Variants in C3orf20 observed in about 807,000 individuals in gnomAD.
C3orf20 encodes family with sequence similarity 149 member C.
In C3orf20, 76 loss-of-function variants were observed where a neutral mutation model predicts 88.3. The observed-to-expected ratio is 0.86, with a 90% CI of 0.72 to 1.04. The LOEUF (loss-of-function observed/expected upper bound fraction) is 1.04. Among genes scored for constraint, C3orf20 ranks in the 50% least tolerant of loss-of-function variants. C3orf20 has a pLI of 0.00. For missense variants in C3orf20, 1,056 were observed against 1,123.3 expected, an observed-to-expected ratio of 0.94 and a Z score of 0.86; for synonymous variants, 436 against 437.4, an observed-to-expected ratio of 1.00 and a Z score of 0.04.
intron 5 of C3orf20, among the ~76,000 whole-genome samples, chr3:14,691,865 G>GT (rs796987014): frequency 2.8e-4 from 42 of 151,794 alleles, no homozygotes; most frequent in Admixed American, 9.8e-4. Context: ...CATTCTTACT[G>GT]TTTTTTTTGT....
chr3:14,702,341 A>C (rs927566449), intron 5 of C3orf20, among the ~76,000 whole-genome samples: 1 of 152,084 alleles, frequency 6.6e-6, no homozygotes, highest in Non-Finnish European at 1.5e-5. Flanking sequence ...AACAAATGGG[A>C]ATTCTGGGAG....
At chr3:14,703,058 G>T (rs1575107447) in intron 5 of C3orf20, 72 bp from the exon 6 acceptor site, 1 of 1,561,964 alleles carries the variant, frequency 6.4e-7, no homozygotes, top group East Asian at 2.3e-5. Context: ...CTCACATCCA[G>T]GTGACACTGA....
At chr3:14,730,694 T>C (rs1317415011) in intron 12 of C3orf20, among the ~76,000 whole-genome samples, 1 of 152,190 alleles carries the variant, frequency 6.6e-6, no homozygotes, top group African/African-American at 2.4e-5. Context: ...TCATTGAGTA[T>C]GTGTATGTTC....
intron 12 of C3orf20, among the ~76,000 whole-genome samples, chr3:14,731,007 CTG>C (rs1469987851): frequency 1.3e-5 from 2 of 152,208 alleles, no homozygotes; most frequent in East Asian, 3.8e-4. Flanking sequence ...ATGTCTGAAA[CTG>C]TGAACAGTAC....
chr3:14,761,021 G>A (rs1237882622), intron 14 of C3orf20, among the ~76,000 whole-genome samples: 2 of 152,110 alleles, frequency 1.3e-5, no homozygotes, highest in Non-Finnish European at 2.9e-5. Context: ...GACCTATGGG[G>A]GTGGGAGCCC....
chr3:14,757,743 C>A, intron 13 of C3orf20, 69 bp downstream of exon 13: 2 of 1,443,208 alleles, frequency 1.4e-6, no homozygotes, highest in Non-Finnish European at 1.9e-6. Flanking sequence ...CCGAGAAAAC[C>A]CCCACAGTGC....
At chr3:14,736,170 CTTCTT>C (rs1173460309) in intron 12 of C3orf20, among the ~76,000 whole-genome samples, 1 of 152,194 alleles carries the variant, frequency 6.6e-6, no homozygotes, top group Admixed American at 6.5e-5. Context: ...ACATTTGTGC[CTTCTT>C]TTCTTTTTGC....
chr3:14,683,000 C>T lies in C3orf20; in HGVS notation c.287C>T (p.Pro96Leu), dbSNP rs1166016103. The T allele has an allele frequency of 6.2e-7, 1 of 1,613,472 alleles. No individual in the cohort carries two copies. Among genetic ancestry groups the T allele is most frequent in the South Asian group, 1.1e-5 (1 of 91,052 alleles). Reference sequence around the variant, plus strand: ...GTCCCCACACTGAAGAAGCCACTACCTCCACCACCACCAGCACCACCACGT... The same window carrying T: ...GTCCCCACACTGAAGAAGCCACTACTTCCACCACCACCAGCACCACCACGT... ...VQVPTLKKPL[P>L]PPPPAPPRPV... The change falls in exon 3 of 17, where the codon CCT (proline) becomes CTT (leucine). Residue 96 changes from proline (P) to leucine (L), a missense_variant. Transcript: ENST00000253697.
At chr3:14,693,743 G>A (rs1331816056) in intron 5 of C3orf20, among the ~76,000 whole-genome samples, 1 of 152,186 alleles carries the variant, frequency 6.6e-6, no homozygotes, top group Non-Finnish European at 1.5e-5. Flanking sequence ...TAATGGTGGT[G>A]AAAGTGGGCA....
intron 8 of C3orf20, among the ~76,000 whole-genome samples, chr3:14,715,054 T>C (rs2124961418): frequency 6.6e-6 from 1 of 152,322 alleles, no homozygotes. Flanking sequence ...TTCTTCCCCT[T>C]CTGGGTTTGG....
chr3:14,711,140 C>T (rs1277178366), intron 7 of C3orf20, among the ~76,000 whole-genome samples: 1 of 152,092 alleles, frequency 6.6e-6, no homozygotes, highest in African/African-American at 2.4e-5. Flanking sequence ...TCAGGTGATC[C>T]ATCCGCCTTG....
chr3:14,729,800 C>T (rs183949881), intron 12 of C3orf20, among the ~76,000 whole-genome samples: 1 of 152,366 alleles, frequency 6.6e-6, no homozygotes, highest in Admixed American at 6.5e-5. Flanking sequence ...CCCGCCTGGG[C>T]TCCCAAAGTG....
rs571110546 is a variant in C3orf20 at position 14,742,712 on chromosome 3, G to A, written c.1940+14024G>A. On this transcript the variant is annotated intron_variant, in intron 12 of 16. Transcript: ENST00000253697. ...TACCCGAAACTGGGAACAAAAAAAG[G>A]TTTAATTGGACTTACAGTTCCACAT... 1.8e-3 allele frequency among the ~76,000 whole-genome samples: 277 copies of A among 152,304 alleles called. 1 individual carries two copies. Among genetic ancestry groups the A allele is most frequent in the African/African-American group, 6.2e-3 (259 of 41,560 alleles).
At chr3:14,744,239 A>G (rs1349852338) in intron 12 of C3orf20, among the ~76,000 whole-genome samples, 1 of 151,960 alleles carries the variant, frequency 6.6e-6, no homozygotes, top group Non-Finnish European at 1.5e-5. Context: ...CTCAAGTTCA[A>G]AGTTCCACAA....
At position 14,768,995 on chromosome 3, in the gene C3orf20, C is replaced by T. The variant is rs1303584456; in HGVS notation, c.2496-3072C>T. On this transcript the variant is annotated intron_variant, in intron 15 of 16. Transcript: ENST00000253697. This position sits in a 1 kb window ranked among gnomAD's most constrained non-coding sequence, Gnocchi z 4.1. ...TCACCCCAGCAGGACAGCTGTGTGGCTCTGCTGGCCTAGTCGTTCACGATC... is the reference window on the plus strand; with the variant it reads ...TCACCCCAGCAGGACAGCTGTGTGGTTCTGCTGGCCTAGTCGTTCACGATC... Among the ~76,000 whole-genome samples the T allele has an allele frequency of 6.6e-6, 1 of 152,076 alleles. No homozygotes were observed. The highest frequency in any genetic ancestry group is 1.5e-5 in the Non-Finnish European group (1 of 68,040).
chr3:14,699,454 T>A (rs952527887), intron 5 of C3orf20, among the ~76,000 whole-genome samples: 15 of 152,160 alleles, frequency 9.9e-5, no homozygotes, highest in African/African-American at 3.1e-4. Flanking sequence ...CCAAGGACTC[T>A]TCAGTCAGCG....
intron 5 of C3orf20, among the ~76,000 whole-genome samples, chr3:14,699,555 T>C (rs922485573): frequency 6.6e-6 from 1 of 152,134 alleles, no homozygotes; most frequent in Admixed American, 6.6e-5. Flanking sequence ...CATCTGGGAG[T>C]AGGGCCTGGA....
chr3:14,769,481 C>T (rs1323709703), intron 15 of C3orf20, among the ~76,000 whole-genome samples: 3 of 152,220 alleles, frequency 2.0e-5, no homozygotes, highest in Non-Finnish European at 4.4e-5. Context: ...TTTACAGCTG[C>T]GCCACTTGGT....
At chr3:14,771,395 A>G (rs1316213649) in intron 15 of C3orf20, among the ~76,000 whole-genome samples, 1 of 152,254 alleles carries the variant, frequency 6.6e-6, no homozygotes, top group Admixed American at 6.5e-5. Flanking sequence ...TCATCCTCTC[A>G]CAGTTCTGGA....
Sources: gnomAD v4.1 joint callset for allele counts (sites outside exome capture counted in the v4.1 genomes callset) on GRCh38, gnomAD v4.1.1 for gene constraint, Gnocchi (gnomAD v3.1) non-coding constraint, MANE v1.5 for transcripts, NCBI Gene and HGNC (gene_info 2026-07-23, HGNC 2026-07-21) for gene names.